Variants in GRM7 observed in about 807,000 individuals in gnomAD.
GRM7 encodes metabotropic glutamate receptor 7.
A neutral mutation model predicts 84.5 loss-of-function variants in GRM7; 35 were observed. The ratio of observed to expected loss-of-function variants is 0.41; its 90% CI spans 0.32 to 0.55. The LOEUF (loss-of-function observed/expected upper bound fraction) is 0.55. Ranked by LOEUF, GRM7 falls within the 20% of genes least tolerant of loss-of-function variation. The pLI is 0.19. For missense variants in GRM7, 1,003 were observed against 1,194.6 expected (o/e 0.84, Z 2.36); for synonymous variants, 487 against 455.1 (o/e 1.07, Z -0.89).
intron 4 of GRM7, among the ~76,000 whole-genome samples, chr3:7,347,808 C>G (rs1043037517): frequency 6.6e-6 from 1 of 152,122 alleles, no homozygotes; most frequent in African/African-American, 2.4e-5. Flanking sequence ...CATGTTTCTT[C>G]TCCAGCACAT....
intron 7 of GRM7, among the ~76,000 whole-genome samples, chr3:7,532,082 T>C (rs1426387122): frequency 6.6e-6 from 1 of 152,190 alleles, no homozygotes; most frequent in Non-Finnish European, 1.5e-5. Flanking sequence ...GAAATTTTCT[T>C]TTTTTGTTGT....
At chr3:7,196,277 G>A (rs1007271624) in intron 2 of GRM7, among the ~76,000 whole-genome samples, 3 of 152,082 alleles carry the variant, frequency 2.0e-5, no homozygotes, top group Non-Finnish European at 2.9e-5. Context: ...ACATTGTGGA[G>A]GACAATTTGC....
intron 2 of GRM7, among the ~76,000 whole-genome samples, chr3:7,237,502 G>A (rs1697388464): frequency 1.3e-5 from 2 of 152,062 alleles, no homozygotes; most frequent in Non-Finnish European, 2.9e-5. Context: ...CGCTCGTGGT[G>A]AGTGTTACAG....
At chr3:6,873,651 G>A (rs570498424) in intron 1 of GRM7, among the ~76,000 whole-genome samples, 80 of 152,260 alleles carry the variant, frequency 5.3e-4, no homozygotes, top group African/African-American at 1.9e-3. Context: ...AATAGTATTA[G>A]CGTCAGTATT....
At chr3:7,636,745 G>A (rs1445167816) in intron 8 of GRM7, among the ~76,000 whole-genome samples, 1 of 152,164 alleles carries the variant, frequency 6.6e-6, no homozygotes, top group Non-Finnish European at 1.5e-5. Context: ...TGTTTTGAGT[G>A]CTGGGTAAAA....
chr3:7,290,307 T>A (rs1035971757), intron 2 of GRM7, among the ~76,000 whole-genome samples: 1 of 152,168 alleles, frequency 6.6e-6, no homozygotes, highest in Non-Finnish European at 1.5e-5. Flanking sequence ...ATCTGCAAAA[T>A]GGAAGCGTTG....
chr3:7,523,932 G>C (rs1144026), intron 7 of GRM7, among the ~76,000 whole-genome samples: 93,411 of 151,884 alleles, frequency 0.62, 29,762 homozygotes, highest in African/African-American at 0.79. Context: ...TAGTTTTCTG[G>C]GTTTTGTTGT....
Position 7,302,093 on chromosome 3 carries a change from TG to T in GRM7, c.878+3269del, listed in dbSNP as rs569990057. The stretch of plus-strand genomic sequence containing the variant: ...CACTGGAAAATAAAAGTTTTTTTAT[TG>T]TTTTTTTTCAATAAAAGGAACCCTT... On this transcript the variant is annotated intron_variant, in intron 3 of 9. Coordinates refer to ENST00000357716, the MANE Select transcript of GRM7 (RefSeq NM_000844.4). Among the ~76,000 whole-genome samples the T allele has an allele frequency of 2.0e-4, 30 of 152,212 alleles. No homozygotes were observed. The East Asian group carries it at 3.1e-3, about 16-fold the overall frequency.
At chr3:7,614,631 A>G (rs1211088252) in intron 8 of GRM7, among the ~76,000 whole-genome samples, 1 of 152,214 alleles carries the variant, frequency 6.6e-6, no homozygotes, top group East Asian at 1.9e-4. Flanking sequence ...CAAGAAGGAA[A>G]CAGTCAGCAA....
At chr3:7,587,194 C>T (rs1444307677) in intron 8 of GRM7, among the ~76,000 whole-genome samples, 1 of 152,156 alleles carries the variant, frequency 6.6e-6, no homozygotes, top group Non-Finnish European at 1.5e-5. Context: ...TCTCTTTCTC[C>T]CCTCTTCCTC....
intron 4 of GRM7, among the ~76,000 whole-genome samples, chr3:7,372,574 A>G (rs140011489): frequency 1.7e-3 from 261 of 152,288 alleles, no homozygotes; most frequent in African/African-American, 5.8e-3. Context: ...ACACTGTGAT[A>G]TTTCAACCTC....
At chr3:7,348,908 G>A (rs976129555) in intron 4 of GRM7, among the ~76,000 whole-genome samples, 25 of 152,086 alleles carry the variant, frequency 1.6e-4, no homozygotes, top group African/African-American at 6.0e-4. Context: ...TAACATACAT[G>A]TAATTCTTTA....
intron 1 of GRM7, among the ~76,000 whole-genome samples, chr3:7,073,287 T>C (rs376186257): frequency 2.0e-5 from 3 of 152,198 alleles, no homozygotes; most frequent in African/African-American, 7.2e-5. Flanking sequence ...AAATAATTCC[T>C]CTTTGTGCCA....
At chr3:7,140,759 C>G (rs1354488258) in intron 1 of GRM7, among the ~76,000 whole-genome samples, 1 of 151,828 alleles carries the variant, frequency 6.6e-6, no homozygotes, top group East Asian at 1.9e-4. Context: ...TAAGAGCATC[C>G]TATATCAATA....
intron 4 of GRM7, among the ~76,000 whole-genome samples, chr3:7,374,582 G>A (rs989391147): frequency 5.3e-5 from 8 of 151,474 alleles, no homozygotes; most frequent in African/African-American, 1.7e-4. Flanking sequence ...GGGTTCAAGC[G>A]ATTCTTCTGC....
At chr3:7,060,988 C>T (rs1257406130) in intron 1 of GRM7, among the ~76,000 whole-genome samples, 1 of 151,782 alleles carries the variant, frequency 6.6e-6, no homozygotes, top group East Asian at 1.9e-4. Flanking sequence ...AGCCTTTTCC[C>T]AAGCTATTTC....
At chr3:7,208,133 A>T (rs1448063400) in intron 2 of GRM7, among the ~76,000 whole-genome samples, 1 of 152,226 alleles carries the variant, frequency 6.6e-6, no homozygotes, top group Non-Finnish European at 1.5e-5. Flanking sequence ...CAGAGAGGAT[A>T]AACATTTCAG....
At chr3:7,332,366 C>G (rs1701241464) in intron 4 of GRM7, among the ~76,000 whole-genome samples, 1 of 152,152 alleles carries the variant, frequency 6.6e-6, no homozygotes, top group Non-Finnish European at 1.5e-5. Context: ...TTGGCTGCAG[C>G]CTTCTGTTTC....
At chr3:7,494,542 T>G (rs1373376834) in intron 7 of GRM7, among the ~76,000 whole-genome samples, 1 of 152,216 alleles carries the variant, frequency 6.6e-6, no homozygotes, top group Non-Finnish European at 1.5e-5. Context: ...TGTACTACCC[T>G]TTAGCTTCAC....
Sources: gnomAD v4.1 joint callset for allele counts (sites outside exome capture counted in the v4.1 genomes callset) on GRCh38, gnomAD v4.1.1 for gene constraint, MANE v1.5 for transcripts, NCBI Gene and HGNC (gene_info 2026-07-23, HGNC 2026-07-21) for gene names.